The following MYO1D variants were observed in gnomAD, a reference collection of about 807,000 sequenced individuals.
MYO1D encodes the protein unconventional myosin-Id.
In MYO1D, 83 loss-of-function variants were observed where a neutral mutation model predicts 122.0. The ratio of observed to expected loss-of-function variants is 0.68; its 90% CI spans 0.57 to 0.82. The LOEUF (loss-of-function observed/expected upper bound fraction) is 0.82, where lower values mean the gene tolerates loss of function less well. MYO1D is among the 40% of genes least tolerant of loss of function. The probability of loss-of-function intolerance (pLI) is 0.00; values close to 1 mark genes in which losing one functional copy is unlikely to be tolerated. For missense variants in MYO1D, 1,157 were observed against 1,269.5 expected, an observed-to-expected ratio of 0.91 and a Z score of 1.35; for synonymous variants, 464 against 446.9, an observed-to-expected ratio of 1.04 and a Z score of -0.48.
chr17:32,605,429 T>C (rs1401069553), intron 20 of MYO1D, among the ~76,000 whole-genome samples, 188 bp from the exon 21 acceptor site: 2 of 151,666 alleles, frequency 1.3e-5, no homozygotes, highest in Non-Finnish European at 2.9e-5. Context: ...ACACCATCCC[T>C]AAAAACAACA....
At chr17:32,605,708 C>A (rs2087619265) in intron 20 of MYO1D, among the ~76,000 whole-genome samples, 1 of 152,094 alleles carries the variant, frequency 6.6e-6, no homozygotes, top group African/African-American at 2.4e-5. Context: ...TCTCTATAGA[C>A]CACACAGACA....
chr17:32,835,910 G>T (rs993122678), intron 1 of MYO1D, among the ~76,000 whole-genome samples: 4 of 152,128 alleles, frequency 2.6e-5, no homozygotes, highest in Non-Finnish European at 4.4e-5. Flanking sequence ...CTAACTGTTG[G>T]TTCATACTGC....
In MYO1D at chr17:32,719,086, A is replaced by C. The variant is rs2089479335; in HGVS notation, c.1913+1937T>G. ...ACTCCTGTTCCACATCCTGTTCCTC[A>C]AAATTATTTTACCCAATTTTATCTC... On this transcript the variant is annotated intron_variant, in intron 15 of 21. Transcript: ENST00000318217. 2.0e-5 allele frequency among the ~76,000 whole-genome samples: 3 copies of C among 152,202 alleles called. No homozygotes were observed. The South Asian group carries it at 6.2e-4, about 31-fold the overall frequency.
intron 21 of MYO1D, among the ~76,000 whole-genome samples, chr17:32,558,525 C>T (rs1406143992): frequency 2.0e-5 from 3 of 152,116 alleles, no homozygotes; most frequent in Non-Finnish European, 2.9e-5. Context: ...CATGCAAGGG[C>T]GCATTGTCAG....
intron 6 of MYO1D, 107 bp downstream of exon 6, chr17:32,771,018 T>C (rs2090107311): frequency 1.4e-6 from 1 of 704,078 alleles, no homozygotes; most frequent in Non-Finnish European, 2.3e-6. Flanking sequence ...ATAAAAGAGA[T>C]GTTTATTTGC....
chr17:32,732,133 G>A (rs548190126), intron 14 of MYO1D, among the ~76,000 whole-genome samples: 13 of 152,204 alleles, frequency 8.5e-5, no homozygotes, highest in Admixed American at 5.9e-4. Context: ...GAAGGCCAAC[G>A]GGGTGCTGAG....
chr17:32,788,175 C>T (rs1024888108), intron 1 of MYO1D, among the ~76,000 whole-genome samples: 5 of 152,174 alleles, frequency 3.3e-5, no homozygotes, highest in Non-Finnish European at 7.3e-5. Context: ...GGTGAGTTTA[C>T]ATTCTCACTA....
chr17:32,718,235 G>A (rs375665739), intron 15 of MYO1D, among the ~76,000 whole-genome samples: 6 of 152,036 alleles, frequency 3.9e-5, no homozygotes, highest in South Asian at 2.1e-4. Flanking sequence ...TCATGAAACC[G>A]ACACCCTGAT....
In MYO1D at chr17:32,513,837, T is replaced by C. The variant is rs1051030653; in HGVS notation, c.2865-18922A>G. On this transcript the variant is annotated intron_variant, in intron 21 of 21. Transcript: ENST00000318217. ...CGCCTTAAGATTTCTTTCTTTCTTT[T>C]TTTTTTTTTTGTAGACAGGATCTTG... is the stretch of plus-strand genomic sequence containing the variant. Among the ~76,000 whole-genome samples, 20 of 151,956 alleles carry C rather than the reference T, an allele frequency of 1.3e-4. No homozygotes were observed. In the East Asian group the frequency reaches 1.5e-3, roughly 12 times the overall value.
chr17:32,783,157 C>CA (rs5819997), intron 1 of MYO1D, among the ~76,000 whole-genome samples: 74,677 of 145,162 alleles, frequency 0.51, 19,350 homozygotes, highest in East Asian at 0.73. Flanking sequence ...ACTGTCCAAA[C>CA]AAAAAAAAAA....
chr17:32,567,125 C>A (rs777254907), intron 21 of MYO1D, among the ~76,000 whole-genome samples: 1 of 151,766 alleles, frequency 6.6e-6, no homozygotes, highest in Non-Finnish European at 1.5e-5. Context: ...TGGGAAAGGG[C>A]AACAAATGAA....
intron 15 of MYO1D, among the ~76,000 whole-genome samples, chr17:32,719,784 CTAAA>C (rs2150990780): frequency 6.6e-6 from 1 of 152,346 alleles, no homozygotes; most frequent in South Asian, 2.1e-4. Context: ...TAGCCAAAAT[CTAAA>C]TAGTTTAGTC....
At chr17:32,508,420 C>T (rs142277636) in intron 21 of MYO1D, among the ~76,000 whole-genome samples, 58 of 152,072 alleles carry the variant, frequency 3.8e-4, no homozygotes, top group South Asian at 8.3e-4. Flanking sequence ...AATTAACAGG[C>T]GCACACCACC....
At position 32,536,559 on chromosome 17, in the gene MYO1D, T is replaced by C. The variant is rs868804555; in HGVS notation, c.2865-41644A>G. Among the ~76,000 whole-genome samples, 6 of 152,252 alleles carry C rather than the reference T, an allele frequency of 3.9e-5. 1 individual carries two copies. The highest frequency in any genetic ancestry group is 7.3e-5 in the Non-Finnish European group (5 of 68,044). Reference sequence around the variant, plus strand: ...ATGGCTGTTTGGCTTATATGAGTTATAGATCTTATGTGCTGGCTTAAATTC... The same window carrying C: ...ATGGCTGTTTGGCTTATATGAGTTACAGATCTTATGTGCTGGCTTAAATTC... On this transcript the variant is annotated intron_variant, in intron 21 of 21. Coordinates refer to ENST00000318217, the MANE Select transcript of MYO1D (RefSeq NM_015194.3).
chr17:32,862,100 C>T (rs1050807934), intron 1 of MYO1D, among the ~76,000 whole-genome samples: 1 of 152,142 alleles, frequency 6.6e-6, no homozygotes, highest in African/African-American at 2.4e-5. Context: ...CCACCTCTCC[C>T]CCAACAGGCA....
intron 21 of MYO1D, among the ~76,000 whole-genome samples, chr17:32,583,552 T>C (rs546801437): frequency 2.0e-4 from 31 of 152,334 alleles, no homozygotes; most frequent in African/African-American, 7.5e-4. Context: ...TGATGACTTA[T>C]TCATTTTTTG....
chr17:32,715,657 T>C (rs564624076), intron 15 of MYO1D, among the ~76,000 whole-genome samples: 149 of 152,174 alleles, frequency 9.8e-4, no homozygotes, highest in Non-Finnish European at 1.5e-3. Context: ...AAAACAAAAA[T>C]ATGTATATTT....
rs540404667 is a variant in MYO1D at position 32,704,218 on chromosome 17, A to G, written c.2121+7770T>C. 2.6e-5 allele frequency among the ~76,000 whole-genome samples: 4 copies of G among 152,372 alleles called. No homozygotes were observed. The East Asian group carries it at 7.7e-4, about 29-fold the overall frequency. On this transcript the variant is annotated intron_variant, in intron 16 of 21. Transcript: ENST00000318217. ...ACACAAACTCAAATGTAGAGGGTAT[A>G]TGGGTAAGTGAATCAAATGTGCATT...
At position 32,638,786 on chromosome 17, in the gene MYO1D, C is replaced by T. The variant is rs199868416; in HGVS notation, c.2645G>A (p.Arg882His). ...AGTGGGATCCATTTTATACAGGTGA[C>T]GGTCAGTGACAAAAATTGCTCTGTC... ...VEDRAIFVTD[R>H]HLYKMDPTKQ... Residue 882 changes from arginine to histidine, a missense_variant, in exon 20 of 22, where the codon CGT becomes CAT. Physicochemically the swap from Arg to His is conservative, Grantham distance 29. Coordinates refer to ENST00000318217, the MANE Select transcript of MYO1D (RefSeq NM_015194.3). 1.3e-5 allele frequency: 21 copies of T among 1,613,818 alleles called. No individual in the cohort carries two copies. The highest frequency in any genetic ancestry group is 1.7e-4 in the Middle Eastern group (1 of 6,058).
Sources: gnomAD v4.1 joint callset for allele counts (sites outside exome capture counted in the v4.1 genomes callset) on GRCh38, gnomAD v4.1.1 for gene constraint, MANE v1.5 for transcripts, NCBI Gene and HGNC (gene_info 2026-07-23, HGNC 2026-07-21) for gene names.